The following JARID2 variants were observed in gnomAD, a reference collection of about 807,000 sequenced individuals.
JARID2 encodes jumonji and AT-rich interaction domain containing 2.
A neutral mutation model predicts 125.6 loss-of-function variants in JARID2; 21 were observed. The observed-to-expected ratio is 0.17, with a 90% CI of 0.12 to 0.24. The LOEUF (loss-of-function observed/expected upper bound fraction) is 0.24, where lower values mean the gene tolerates loss of function less well. Among genes scored for constraint, JARID2 ranks in the 10% least tolerant of loss-of-function variants. The pLI is 1.00. For synonymous variants in JARID2, 736 were observed against 661.6 expected, an observed-to-expected ratio of 1.11 and a Z score of -1.73; for missense variants, 1,303 against 1,639.6, an observed-to-expected ratio of 0.79 and a Z score of 3.55.
intron 1 of JARID2, among the ~76,000 whole-genome samples, chr6:15,353,791 G>GT (rs1404661775): frequency 6.6e-6 from 1 of 152,064 alleles, no homozygotes; most frequent in Non-Finnish European, 1.5e-5. Context: ...CTAGGGAAAC[G>GT]TAACAGAGAT....
chr6:15,406,880 G>C (rs1264927200), intron 2 of JARID2, among the ~76,000 whole-genome samples: 1 of 151,826 alleles, frequency 6.6e-6, no homozygotes, highest in Non-Finnish European at 1.5e-5. Context: ...TAACTTTTTT[G>C]TCTCTATTTG....
At chr6:15,389,377 C>T (rs1358684854) in intron 2 of JARID2, among the ~76,000 whole-genome samples, 2 of 152,120 alleles carry the variant, frequency 1.3e-5, no homozygotes, top group African/African-American at 4.8e-5. Flanking sequence ...CAGGCTGGAA[C>T]ACTGTTATTT....
At chr6:15,415,888 C>T (rs543159998) in intron 3 of JARID2, among the ~76,000 whole-genome samples, 17 of 151,830 alleles carry the variant, frequency 1.1e-4, no homozygotes, top group African/African-American at 3.9e-4. Context: ...ACCTCCCTCC[C>T]GGATGGGGTG....
chr6:15,330,166 A>G lies in JARID2; in HGVS notation c.46-43951A>G, dbSNP rs6923134. On this transcript the variant is annotated intron_variant, in intron 1 of 17. Coordinates refer to ENST00000341776, the MANE Select transcript of JARID2 (RefSeq NM_004973.4). The stretch of plus-strand genomic sequence containing the variant: ...TCAGGCTGTAACTTTAAAAGAAACT[A>G]TAGGGGCTGTTCCCCAGGTTATTCA... Among the ~76,000 whole-genome samples the G allele has an allele frequency of 9.2e-3, 1,399 of 152,358 alleles. 31 individuals are homozygous for G. The highest frequency in any genetic ancestry group is 0.031 in the African/African-American group (1,283 of 41,590).
At chr6:15,352,467 A>G (rs1009790100) in intron 1 of JARID2, among the ~76,000 whole-genome samples, 8 of 152,202 alleles carry the variant, frequency 5.3e-5, no homozygotes, top group African/African-American at 1.9e-4. Flanking sequence ...ACATGACCAC[A>G]TGATCCAGGA....
At chr6:15,305,502 G>A (rs1761788030) in intron 1 of JARID2, among the ~76,000 whole-genome samples, 1 of 152,176 alleles carries the variant, frequency 6.6e-6, no homozygotes, top group African/African-American at 2.4e-5. Context: ...GCTTAGCTTA[G>A]AGTTAAAATT....
At chr6:15,515,758 AAAAAAC>A (rs879514865) in intron 16 of JARID2, among the ~76,000 whole-genome samples, 7 of 150,900 alleles carry the variant, frequency 4.6e-5, no homozygotes, top group East Asian at 1.9e-4. Context: ...CTTTAAAAAA[AAAAAAC>A]AAAAACAAAA....
At chr6:15,517,121 G>A (rs1336474761) in intron 16 of JARID2, 40 bp from the exon 17 acceptor site, 3 of 1,494,638 alleles carry the variant, frequency 2.0e-6, no homozygotes, top group Admixed American at 3.3e-5. Context: ...GCGCTGTGGA[G>A]CTGCCTCCTG....
intron 1 of JARID2, among the ~76,000 whole-genome samples, chr6:15,290,479 C>T (rs1761163163): frequency 6.6e-6 from 1 of 152,122 alleles, no homozygotes; most frequent in Non-Finnish European, 1.5e-5. Context: ...TGTCCTTGAA[C>T]CATTTTGCAA....
rs193301894 is a variant in JARID2, at chr6:15,455,442, A to G, written c.493+3267A>G. On this transcript the variant is annotated intron_variant, in intron 4 of 17. Transcript: ENST00000341776. Reference sequence around the variant, plus strand: ...GGGTGTTGCTAACTGTAGGCATCCTACAGTGGGATATAACACTAGAACTTA... The same window carrying G: ...GGGTGTTGCTAACTGTAGGCATCCTGCAGTGGGATATAACACTAGAACTTA... Among the ~76,000 whole-genome samples the G allele has an allele frequency of 2.5e-4, 38 of 152,310 alleles. No individual in the cohort carries two copies. In the East Asian group the frequency reaches 6.9e-3, roughly 28 times the overall value.
intron 2 of JARID2, among the ~76,000 whole-genome samples, chr6:15,405,767 A>G (rs1004724217): frequency 7.2e-5 from 11 of 152,230 alleles, no homozygotes; most frequent in Admixed American, 3.3e-4. Flanking sequence ...AATAATTTTA[A>G]CAATTGGTGG....
chr6:15,298,143 G>A (rs979957006), intron 1 of JARID2, among the ~76,000 whole-genome samples: 2 of 152,210 alleles, frequency 1.3e-5, no homozygotes, highest in African/African-American at 2.4e-5. Context: ...GGTGTAATCA[G>A]AATGCAGTCA....
intron 1 of JARID2, among the ~76,000 whole-genome samples, chr6:15,372,965 C>G (rs866495425): frequency 6.6e-6 from 1 of 151,542 alleles, no homozygotes. Flanking sequence ...TCTTGGCCCC[C>G]AAAAGTGCTG....
At chr6:15,247,570 T>A in intron 1 of JARID2, 5 of 984,662 alleles carry the variant, frequency 5.1e-6, no homozygotes, top group Non-Finnish European at 6.0e-6. Flanking sequence ...GAACATACCT[T>A]AGGAATAATG....
At chr6:15,273,473 G>T (rs1760378499) in intron 1 of JARID2, among the ~76,000 whole-genome samples, 1 of 152,198 alleles carries the variant, frequency 6.6e-6, no homozygotes, top group Non-Finnish European at 1.5e-5. Context: ...AGGCCAAGGT[G>T]GGTGGATCAC....
At chr6:15,377,872 A>G (rs1178721654) in intron 2 of JARID2, among the ~76,000 whole-genome samples, 1 of 136,476 alleles carries the variant, frequency 7.3e-6, no homozygotes, top group Non-Finnish European at 1.6e-5. Context: ...TTTTTTTTTC[A>G]ATTTTTTTTC....
intron 1 of JARID2, among the ~76,000 whole-genome samples, chr6:15,332,792 T>C (rs1762750465): frequency 6.6e-6 from 1 of 152,170 alleles, no homozygotes; most frequent in Admixed American, 6.5e-5. Flanking sequence ...CCAAAATAGT[T>C]TTCAATACAT....
Position 15,432,514 on chromosome 6 carries a change from C to T in JARID2, c.324-19492C>T, listed in dbSNP as rs114942301. 2.7e-3 allele frequency among the ~76,000 whole-genome samples: 412 copies of T among 152,284 alleles called. 7 individuals are homozygous for T. Among genetic ancestry groups the T allele is most frequent in the African/African-American group, 9.1e-3 (377 of 41,560 alleles). On this transcript the variant is annotated intron_variant, in intron 3 of 17. Transcript: ENST00000341776. ...ACGCTCCACAGACTGGGAGTGGGCT[C>T]GAAGCCAGTGTCTCAGTAGCACTGG...
At chr6:15,451,982 T>C (rs765373182) in intron 3 of JARID2, 24 bp from the exon 4 acceptor site, 2 of 1,610,402 alleles carry the variant, frequency 1.2e-6, no homozygotes, top group Non-Finnish European at 1.7e-6. Flanking sequence ...TTAATTTATT[T>C]TTAATTTTCT....
Sources: allele counts gnomAD v4.1 joint callset (sites outside exome capture counted in the v4.1 genomes callset), GRCh38; gene constraint gnomAD v4.1.1; transcripts MANE v1.5; gene names NCBI Gene and HGNC (gene_info 2026-07-23, HGNC 2026-07-21).